Variants in NEBL observed in about 807,000 individuals in gnomAD.
NEBL encodes LIM and SH3 protein 2.
NEBL carries 122 observed loss-of-function variants against 140.2 expected under a neutral mutation model. The observed-to-expected ratio is 0.87, with a 90% CI of 0.75 to 1.01. The LOEUF (loss-of-function observed/expected upper bound fraction) is 1.01. Among genes scored for constraint, NEBL ranks in the 50% least tolerant of loss-of-function variants. The pLI is 0.00. For synonymous variants in NEBL, 436 were observed against 398.9 expected, an observed-to-expected ratio of 1.09 and a Z score of -1.11; for missense variants, 1,365 against 1,231.3, an observed-to-expected ratio of 1.11 and a Z score of -1.62.
intron 4 of NEBL, among the ~76,000 whole-genome samples, chr10:20,945,701 T>C (rs1425596979): frequency 6.6e-6 from 1 of 152,194 alleles, no homozygotes; most frequent in African/African-American, 2.4e-5. Flanking sequence ...AAGAACACAC[T>C]AGCTTCCGTA....
intron 4 of NEBL, among the ~76,000 whole-genome samples, chr10:20,905,049 A>C (rs974426077): frequency 6.6e-6 from 1 of 152,264 alleles, no homozygotes; most frequent in African/African-American, 2.4e-5. Flanking sequence ...AATATCACAC[A>C]TTAAAATGGG....
At chr10:20,962,953 T>A (rs993437214) in intron 3 of NEBL, among the ~76,000 whole-genome samples, 5 of 151,456 alleles carry the variant, frequency 3.3e-5, no homozygotes, top group Non-Finnish European at 7.4e-5. Context: ...AGCATTATTA[T>A]CCTCAAGGAT....
intron 9 of NEBL, among the ~76,000 whole-genome samples, chr10:20,856,533 C>A (rs1254658404): frequency 6.6e-6 from 1 of 152,114 alleles, no homozygotes; most frequent in Non-Finnish European, 1.5e-5. Flanking sequence ...GTGAAGAAAG[C>A]AGGGGGCTCA....
intron 2 of NEBL, among the ~76,000 whole-genome samples, chr10:21,136,898 G>A (rs1839381141): frequency 6.6e-6 from 1 of 152,210 alleles, no homozygotes; most frequent in South Asian, 2.1e-4. Flanking sequence ...TGCCCCCAAT[G>A]AGTCATGGAT....
At chr10:21,138,194 C>T (rs1236636350) in intron 2 of NEBL, among the ~76,000 whole-genome samples, 3 of 152,130 alleles carry the variant, frequency 2.0e-5, no homozygotes, top group African/African-American at 7.2e-5. Context: ...GGACAACGGA[C>T]AGCACTGTCC....
At chr10:21,066,054 A>G (rs1265212169) in intron 2 of NEBL, among the ~76,000 whole-genome samples, 2 of 152,234 alleles carry the variant, frequency 1.3e-5, no homozygotes, top group African/African-American at 2.4e-5. Flanking sequence ...CCAACTCAGC[A>G]TCCATCAGTC....
intron 3 of NEBL, among the ~76,000 whole-genome samples, chr10:21,204,423 T>TTC (rs1439028481): frequency 2.6e-5 from 4 of 152,008 alleles, no homozygotes; most frequent in South Asian, 2.1e-4. Flanking sequence ...GTAGAGACCT[T>TTC]TCTCTCTCTC....
chr10:21,225,381 T>C (rs1378529107), intron 3 of NEBL, among the ~76,000 whole-genome samples: 1 of 152,120 alleles, frequency 6.6e-6, no homozygotes, highest in Non-Finnish European at 1.5e-5. Flanking sequence ...CAGTAACCAC[T>C]GCCTGACTAC....
intron 11 of NEBL, among the ~76,000 whole-genome samples, chr10:20,846,338 G>T (rs1841938844): frequency 6.6e-6 from 1 of 152,142 alleles, no homozygotes; most frequent in Admixed American, 6.6e-5. Flanking sequence ...AAAAAGAGAA[G>T]CTGTTTCCAG....
At chr10:21,041,446 G>T (rs1834263144) in intron 2 of NEBL, among the ~76,000 whole-genome samples, 1 of 152,142 alleles carries the variant, frequency 6.6e-6, no homozygotes, top group African/African-American at 2.4e-5. Flanking sequence ...ACAACCAAGG[G>T]AAGATGCAGA....
chr10:21,010,543 C>G (rs988844989), intron 3 of NEBL, among the ~76,000 whole-genome samples: 2 of 151,710 alleles, frequency 1.3e-5, no homozygotes, highest in Non-Finnish European at 2.9e-5. Context: ...CATGAGCCAC[C>G]ACACCCAGCC....
chr10:21,129,240 G>A (rs1838984313), intron 2 of NEBL, among the ~76,000 whole-genome samples: 2 of 151,920 alleles, frequency 1.3e-5, no homozygotes. Flanking sequence ...AAAGGCGTAA[G>A]TAGAGGTAAA....
At chr10:20,788,007 G>C (rs552085345) in intron 26 of NEBL, among the ~76,000 whole-genome samples, 2 of 152,222 alleles carry the variant, frequency 1.3e-5, no homozygotes, top group South Asian at 4.1e-4. Context: ...TATTAAAAAA[G>C]TATCAAAATA....
intron 3 of NEBL, among the ~76,000 whole-genome samples, chr10:21,018,942 G>T (rs1838669379): frequency 6.6e-6 from 1 of 152,166 alleles, no homozygotes; most frequent in South Asian, 2.1e-4. Context: ...GCAGAGAACT[G>T]CGTGAAGCCG....
chr10:20,933,171 T>C (rs1034200916), intron 4 of NEBL, among the ~76,000 whole-genome samples: 4 of 152,190 alleles, frequency 2.6e-5, no homozygotes, highest in Admixed American at 1.3e-4. Flanking sequence ...AGCCTTTAGA[T>C]TACTTATGGT....
At chr10:20,990,552 C>T (rs977779344) in intron 3 of NEBL, among the ~76,000 whole-genome samples, 9 of 152,224 alleles carry the variant, frequency 5.9e-5, no homozygotes, top group Non-Finnish European at 1.0e-4. Flanking sequence ...TTGGACTTCT[C>T]AGCCTCCAAA....
intron 3 of NEBL, among the ~76,000 whole-genome samples, chr10:21,209,921 C>A (rs368981257): frequency 1.3e-4 from 20 of 151,988 alleles, no homozygotes; most frequent in African/African-American, 3.1e-4. Context: ...GGATGAGGGA[C>A]CTTAGAATTA....
At chr10:20,939,451 G>C (rs2131560572) in intron 4 of NEBL, among the ~76,000 whole-genome samples, 1 of 152,252 alleles carries the variant, frequency 6.6e-6, no homozygotes, top group Non-Finnish European at 1.5e-5. Context: ...ACTTGGAAAG[G>C]AACAACTGGT....
intron 4 of NEBL, among the ~76,000 whole-genome samples, chr10:20,910,831 T>G (rs1404954264): frequency 6.7e-6 from 1 of 150,136 alleles, no homozygotes; most frequent in Non-Finnish European, 1.5e-5. Flanking sequence ...CGTTTTTGTT[T>G]TTTTTTTTTT....
Sources: allele counts gnomAD v4.1 joint callset (sites outside exome capture counted in the v4.1 genomes callset), GRCh38; gene constraint gnomAD v4.1.1; transcripts MANE v1.5; gene names NCBI Gene and HGNC (gene_info 2026-07-23, HGNC 2026-07-21).